MACROD2: variants seen among roughly 807,000 people sequenced by gnomAD.
The protein encoded by MACROD2 is ADP-ribose glycohydrolase MACROD2.
Under a neutral mutation model 70.4 loss-of-function variants are expected in MACROD2, and 36 were observed. The observed-to-expected ratio is 0.51, with a 90% CI of 0.39 to 0.68. MACROD2 has a LOEUF of 0.68. Ranked by LOEUF, MACROD2 falls within the 30% of genes least tolerant of loss-of-function variation. The probability of loss-of-function intolerance (pLI) is 0.00; values close to 1 mark genes in which losing one functional copy is unlikely to be tolerated. For synonymous variants in MACROD2, 172 were observed against 178.8 expected, an observed-to-expected ratio of 0.96 and a Z score of 0.30; for missense variants, 496 against 538.4, an observed-to-expected ratio of 0.92 and a Z score of 0.78.
chr20:15,817,519 A>C (rs1386776804), intron 8 of MACROD2, among the ~76,000 whole-genome samples: 1 of 152,212 alleles, frequency 6.6e-6, no homozygotes, highest in Non-Finnish European at 1.5e-5. Flanking sequence ...ATGAGTTCAT[A>C]CCAAACTATG....
intron 6 of MACROD2, among the ~76,000 whole-genome samples, chr20:15,328,721 T>G (rs2077959242): frequency 6.6e-6 from 1 of 152,142 alleles, no homozygotes; most frequent in Admixed American, 6.6e-5. Context: ...ATTGAATTCC[T>G]TAGATGCCAC....
intron 8 of MACROD2, among the ~76,000 whole-genome samples, chr20:15,831,166 G>T (rs1392327316): frequency 6.6e-6 from 1 of 152,140 alleles, no homozygotes; most frequent in African/African-American, 2.4e-5. Context: ...GCTCCTTTAT[G>T]GGTGATGTTC....
intron 3 of MACROD2, chr20:14,327,645 T>C (rs1241902960): frequency 2.7e-5 from 26 of 960,028 alleles, no homozygotes; most frequent in Middle Eastern, 3.3e-4. Flanking sequence ...GAAACTAAAA[T>C]ATCCATAATC....
At position 15,030,080 on chromosome 20, in the gene MACROD2, C is replaced by CAA. The variant is rs75395660; in HGVS notation, c.419-199842_419-199841dup. Reference sequence around the variant, plus strand: ...TGGTGACAGAGCAAGACTCCGTCTCCAAAAAAAAAAAAAAAAAAACCTGTT... The same window carrying CAA: ...TGGTGACAGAGCAAGACTCCGTCTCCAAAAAAAAAAAAAAAAAAAAACCTGTT... On this transcript the variant is annotated intron_variant, in intron 5 of 17. Transcript: ENST00000684519. Among the ~76,000 whole-genome samples, 173 of 76,996 alleles carry CAA rather than the reference C, an allele frequency of 2.2e-3. 1 individual carries two copies. The highest frequency in any genetic ancestry group is 3.6e-3 in the African/African-American group (80 of 22,288). The allele number at this position is 76,996 out of a possible 152,430, so 50.5% of individuals were successfully genotyped here.
intron 4 of MACROD2, among the ~76,000 whole-genome samples, chr20:14,676,688 C>G (rs1266402297): frequency 2.4e-4 from 37 of 152,030 alleles, no homozygotes; most frequent in Admixed American, 2.4e-3. Context: ...AATTCAAAAG[C>G]TAGCAGAAGA....
chr20:14,500,696 T>G (rs910457545), intron 4 of MACROD2, among the ~76,000 whole-genome samples: 3 of 152,248 alleles, frequency 2.0e-5, no homozygotes, highest in African/African-American at 7.2e-5. Flanking sequence ...CCCTTCATTC[T>G]AAAACTAAAC....
At chr20:14,126,743 C>T (rs2054655908) in intron 3 of MACROD2, among the ~76,000 whole-genome samples, 2 of 152,048 alleles carry the variant, frequency 1.3e-5, no homozygotes, top group South Asian at 4.2e-4. Context: ...GTTACAGTGA[C>T]CTGTGACAAT....
intron 10 of MACROD2, among the ~76,000 whole-genome samples, chr20:15,928,973 C>T (rs2065532630): frequency 6.6e-6 from 1 of 150,844 alleles, no homozygotes; most frequent in South Asian, 2.2e-4. Context: ...AACTTAAAGC[C>T]TTCCTGAGCT....
At chr20:15,137,131 C>G (rs2064218935) in intron 5 of MACROD2, among the ~76,000 whole-genome samples, 2 of 146,406 alleles carry the variant, frequency 1.4e-5, no homozygotes, top group Non-Finnish European at 3.0e-5. Flanking sequence ...CTAGTTCAAC[C>G]ATTGTGGAAG....
chr20:14,258,149 G>T (rs2082072839), intron 3 of MACROD2, among the ~76,000 whole-genome samples: 1 of 152,088 alleles, frequency 6.6e-6, no homozygotes, highest in South Asian at 2.1e-4. Flanking sequence ...TGGGCATTTG[G>T]GTTGGTTCCA....
chr20:15,491,580 A>G (rs2047232178), intron 7 of MACROD2, among the ~76,000 whole-genome samples: 1 of 152,256 alleles, frequency 6.6e-6, no homozygotes, highest in Non-Finnish European at 1.5e-5. Context: ...GAGCTCACTG[A>G]GCAACTCTGG....
intron 5 of MACROD2, among the ~76,000 whole-genome samples, chr20:14,984,813 A>T (rs1475400862): frequency 6.6e-6 from 1 of 152,144 alleles, no homozygotes; most frequent in Non-Finnish European, 1.5e-5. Flanking sequence ...CTGAGGAACA[A>T]ATAGAGTAGA....
At chr20:15,863,512 C>T (rs538591209) in intron 9 of MACROD2, among the ~76,000 whole-genome samples, 111 of 152,122 alleles carry the variant, frequency 7.3e-4, no homozygotes, top group Non-Finnish European at 1.5e-3. Context: ...TGTTTAATGC[C>T]TTGTTATTTT....
At position 15,186,879 on chromosome 20, in the gene MACROD2, A is replaced by C. The variant is rs191076339; in HGVS notation, c.419-43061A>C. On this transcript the variant is annotated intron_variant, in intron 5 of 17. Transcript: ENST00000684519. ...TGCTTCAAAAGTATGCTAGCTATTA[A>C]AACTTCAACTAAATTTTATTCATGT... 2.6e-4 allele frequency among the ~76,000 whole-genome samples: 40 copies of C among 152,302 alleles called. No homozygotes were observed. In the East Asian group the frequency reaches 7.3e-3, roughly 28 times the overall value.
chr20:14,586,257 A>ATG (rs908865346), intron 4 of MACROD2, among the ~76,000 whole-genome samples: 2 of 151,520 alleles, frequency 1.3e-5, no homozygotes, highest in African/African-American at 4.8e-5. Flanking sequence ...GTGTGTGTGT[A>ATG]TGTGTGTGTG....
intron 6 of MACROD2, among the ~76,000 whole-genome samples, chr20:15,237,353 T>C (rs1238202544): frequency 1.3e-5 from 2 of 152,234 alleles, no homozygotes; most frequent in Middle Eastern, 3.4e-3. Context: ...ATTTAGAGAA[T>C]TTTTTTTGTA....
intron 5 of MACROD2, among the ~76,000 whole-genome samples, chr20:14,765,885 T>C (rs2072081415): frequency 6.6e-6 from 1 of 151,996 alleles, no homozygotes; most frequent in Non-Finnish European, 1.5e-5. Flanking sequence ...GAAAACCTTA[T>C]GAAAACCTGC....
At chr20:14,752,562 C>G (rs1032511306) in intron 5 of MACROD2, among the ~76,000 whole-genome samples, 8 of 152,016 alleles carry the variant, frequency 5.3e-5, no homozygotes, top group African/African-American at 1.9e-4. Context: ...CTCCTTTTGC[C>G]CCCATCTGAT....
intron 8 of MACROD2, among the ~76,000 whole-genome samples, chr20:15,602,564 T>C (rs1373771092): frequency 6.6e-6 from 1 of 152,188 alleles, no homozygotes; most frequent in Non-Finnish European, 1.5e-5. Context: ...CACAGAGACC[T>C]AGTGAGTTTC....
Sources: allele counts gnomAD v4.1 joint callset (sites outside exome capture counted in the v4.1 genomes callset), GRCh38; gene constraint gnomAD v4.1.1; transcripts MANE v1.5; gene names NCBI Gene and HGNC (gene_info 2026-07-23, HGNC 2026-07-21).